Variants in TMPRSS7 observed in about 807,000 individuals in gnomAD.
TMPRSS7 encodes transmembrane serine protease 7.
In TMPRSS7, 81 loss-of-function variants were observed where a neutral mutation model predicts 95.6. That is an observed-to-expected ratio of 0.85 (90% CI 0.71 to 1.02). The LOEUF (loss-of-function observed/expected upper bound fraction) is 1.02. TMPRSS7 is among the 50% of genes least tolerant of loss of function. TMPRSS7 has a pLI of 0.00. For missense variants in TMPRSS7, 945 were observed against 955.2 expected (o/e 0.99, Z 0.14); for synonymous variants, 364 against 337.8 (o/e 1.08, Z -0.85).
intron 17 of TMPRSS7, among the ~76,000 whole-genome samples, chr3:112,079,378 A>G (rs1022376461): frequency 1.3e-5 from 2 of 152,190 alleles, no homozygotes; most frequent in Non-Finnish European, 2.9e-5. Context: ...ATTCCAATCT[A>G]TGCAGTTACC....
intron 9 of TMPRSS7, among the ~76,000 whole-genome samples, chr3:112,054,930 G>C (rs886490655): frequency 6.6e-6 from 1 of 151,626 alleles, no homozygotes; most frequent in Non-Finnish European, 1.5e-5. Flanking sequence ...TAGTAGAGAC[G>C]GAGTTTCACC....
At chr3:112,068,755 A>C (rs896766151) in intron 13 of TMPRSS7, among the ~76,000 whole-genome samples, 3 of 152,208 alleles carry the variant, frequency 2.0e-5, no homozygotes, top group Non-Finnish European at 4.4e-5. Flanking sequence ...ATATACAATC[A>C]TGTCATCTGC....
chr3:112,056,536 G>A (rs1024131525), intron 9 of TMPRSS7, among the ~76,000 whole-genome samples: 3 of 152,098 alleles, frequency 2.0e-5, no homozygotes, highest in Admixed American at 1.3e-4. Context: ...CATATACGTA[G>A]ACAGCTTTCT....
At chr3:112,044,264 G>C in exon 4 of TMPRSS7, 3 of 1,550,140 alleles carry the variant, frequency 1.9e-6, no homozygotes, top group Non-Finnish European at 2.6e-6. Flanking sequence ...GATAAACCTG[G>C]TTTATACAAC....
chr3:112,054,793 T>C (rs1395511774), intron 9 of TMPRSS7, among the ~76,000 whole-genome samples: 1 of 125,666 alleles, frequency 8.0e-6, no homozygotes, highest in Non-Finnish European at 1.6e-5. Context: ...CACGCTGGAG[T>C]GCAGTGGCAC....
chr3:112,069,097 T>C (rs955249770), intron 13 of TMPRSS7, among the ~76,000 whole-genome samples: 3 of 152,250 alleles, frequency 2.0e-5, no homozygotes, highest in Non-Finnish European at 2.9e-5. Flanking sequence ...GTTTTTGTCA[T>C]TGGTTCTGTT....
intron 10 of TMPRSS7, among the ~76,000 whole-genome samples, chr3:112,057,659 T>G (rs780799620): frequency 6.6e-6 from 1 of 152,222 alleles, no homozygotes. Context: ...TTGTTGTTGA[T>G]TTCCTTCTAA....
chr3:112,038,083 C>T, exon 2 of TMPRSS7: 1 of 702,532 alleles, frequency 1.4e-6, no homozygotes, highest in Non-Finnish European at 2.6e-6. Context: ...TATCCAATAT[C>T]TCAGTCCAAG....
At chr3:112,073,660 T>C (rs1027698561) in intron 13 of TMPRSS7, among the ~76,000 whole-genome samples, 1 of 151,996 alleles carries the variant, frequency 6.6e-6, no homozygotes, top group Non-Finnish European at 1.5e-5. Context: ...GATGTGTAGA[T>C]TGCAAAAATT....
chr3:112,038,066 T>C lies in TMPRSS7; in HGVS notation c.49-6T>C. 1.4e-6 allele frequency: 1 copy of C among 701,598 alleles called. No individual in the cohort carries two copies. The highest frequency in any genetic ancestry group is 2.7e-5 in the East Asian group (1 of 37,286). 43.5% of individuals were successfully genotyped at this position (701,598 alleles called of 1,614,324 possible). ...TGGTAACATATCTTATTTCTTTTTT[T>C]TGAAGATATCCAATATCTCAGTCCA... On this transcript the variant is annotated splice_polypyrimidine_tract_variant and splice_region_variant and intron_variant, in intron 1 of 17. Coordinates refer to ENST00000452346, the Ensembl canonical transcript of TMPRSS7.
chr3:112,038,290 C>G (rs147486302), exon 2 of TMPRSS7: 1 of 702,758 alleles, frequency 1.4e-6, no homozygotes, highest in Admixed American at 2.0e-5. Flanking sequence ...TCCTAGCAGT[C>G]ATAGCCTGGA....
chr3:112,061,401 A>C (rs1403920867), intron 10 of TMPRSS7, among the ~76,000 whole-genome samples: 2 of 152,094 alleles, frequency 1.3e-5, no homozygotes, highest in Non-Finnish European at 2.9e-5. Context: ...CATATTTTCA[A>C]CCTGATTGAA....
intron 9 of TMPRSS7, among the ~76,000 whole-genome samples, chr3:112,055,311 A>T (rs1178862576): frequency 2.0e-5 from 3 of 152,106 alleles, no homozygotes; most frequent in African/African-American, 4.8e-5. Context: ...GTGCAATGGG[A>T]TTCACACTAC....
At chr3:112,049,414 CTT>C (rs1203276632) in intron 7 of TMPRSS7, among the ~76,000 whole-genome samples, 1 of 152,154 alleles carries the variant, frequency 6.6e-6, no homozygotes, top group Non-Finnish European at 1.5e-5. Context: ...CACACATGGC[CTT>C]TTTTTCTGGT....
chr3:112,070,413 A>G (rs187747997), intron 13 of TMPRSS7, among the ~76,000 whole-genome samples: 200 of 152,260 alleles, frequency 1.3e-3, no homozygotes, highest in Non-Finnish European at 2.2e-3. Context: ...TGATCTGTCT[A>G]ATATTGACAG....
At chr3:112,061,913 C>T (rs1382585345) in exon 11 of TMPRSS7, 1 of 1,609,068 alleles carries the variant, frequency 6.2e-7, no homozygotes, top group African/African-American at 1.3e-5. Context: ...GCAGTTACAA[C>T]ATCAGTCAAC....
chr3:112,051,607 TTATC>T (rs1267021903), intron 9 of TMPRSS7, among the ~76,000 whole-genome samples: 23 of 151,082 alleles, frequency 1.5e-4, no homozygotes, highest in African/African-American at 3.7e-4. Flanking sequence ...TCTATCTCTA[TTATC>T]TATCTATCTC....
At chr3:112,058,059 G>T (rs1490384460) in intron 10 of TMPRSS7, among the ~76,000 whole-genome samples, 1 of 152,208 alleles carries the variant, frequency 6.6e-6, no homozygotes, top group Non-Finnish European at 1.5e-5. Context: ...AGGATGCCCT[G>T]TCTTGACCAC....
At chr3:112,040,543 TG>T (rs769289177) in intron 2 of TMPRSS7, among the ~76,000 whole-genome samples, 1 of 152,056 alleles carries the variant, frequency 6.6e-6, no homozygotes, top group Admixed American at 6.6e-5. Flanking sequence ...AGGAAACTGG[TG>T]GGGAAGTCAA....
Sources: allele counts gnomAD v4.1 joint callset (sites outside exome capture counted in the v4.1 genomes callset), GRCh38; gene constraint gnomAD v4.1.1; transcripts MANE v1.5; gene names NCBI Gene and HGNC (gene_info 2026-07-23, HGNC 2026-07-21).